GPC5: variants seen among roughly 807,000 people sequenced by gnomAD.
GPC5 encodes glypican-5.
GPC5 carries 47 observed loss-of-function variants against 53.9 expected under a neutral mutation model. That is an observed-to-expected ratio of 0.87 (90% CI 0.69 to 1.11). The LOEUF is 1.11. GPC5 is among the 50% of genes most tolerant of loss of function. The pLI is 0.00. For missense variants in GPC5, 748 were observed against 713.1 expected (o/e 1.05, Z -0.56); for synonymous variants, 286 against 263.3 (o/e 1.09, Z -0.84).
chr13:92,516,942 T>C (rs1665589137), intron 7 of GPC5, among the ~76,000 whole-genome samples: 1 of 151,658 alleles, frequency 6.6e-6, no homozygotes, highest in Admixed American at 6.6e-5. Context: ...AGGGAAGGGG[T>C]GACAAACTGC....
At chr13:92,643,819 T>G (rs1885673773) in intron 7 of GPC5, among the ~76,000 whole-genome samples, 2 of 151,108 alleles carry the variant, frequency 1.3e-5, no homozygotes, top group Admixed American at 1.3e-4. Flanking sequence ...ATGGCACATG[T>G]ATACATATGT....
In GPC5 at chr13:92,187,096, G is replaced by A. The variant is rs375946263; in HGVS notation, c.1561+42107G>A. Among the ~76,000 whole-genome samples the A allele has an allele frequency of 8.8e-3, 1,286 of 146,394 alleles. 10 individuals are homozygous for A. Among genetic ancestry groups the A allele is most frequent in the Middle Eastern group, 0.014 (4 of 292 alleles). ...CATTGCACTTCAGCCTGGGTGACAA[G>A]AGCAAAACTCCATCTCAAAAAAAAA... On this transcript the variant is annotated intron_variant, in intron 7 of 7. Coordinates refer to ENST00000377067, the MANE Select transcript of GPC5 (RefSeq NM_004466.6).
At chr13:92,368,142 G>A (rs1364372774) in intron 7 of GPC5, among the ~76,000 whole-genome samples, 1 of 151,766 alleles carries the variant, frequency 6.6e-6, no homozygotes, top group Non-Finnish European at 1.5e-5. Flanking sequence ...CCTCAGCCAC[G>A]CCTGGCTAAT....
intron 6 of GPC5, among the ~76,000 whole-genome samples, chr13:92,092,134 C>T (rs2041386103): frequency 6.6e-6 from 1 of 152,068 alleles, no homozygotes; most frequent in Non-Finnish European, 1.5e-5. Context: ...GTCAGTTGGC[C>T]AAATTTATTT....
chr13:92,762,862 T>G (rs1205124319), intron 7 of GPC5, among the ~76,000 whole-genome samples: 1 of 152,008 alleles, frequency 6.6e-6, no homozygotes, highest in African/African-American at 2.4e-5. Flanking sequence ...AAGTTAGAGA[T>G]TCTTTCTTCT....
At chr13:92,509,954 A>G (rs1286907189) in intron 7 of GPC5, 1 of 152,186 alleles carries the variant, frequency 6.6e-6, no homozygotes, top group Admixed American at 6.6e-5. Flanking sequence ...TATATGCTAT[A>G]CACATACTCT....
intron 6 of GPC5, among the ~76,000 whole-genome samples, chr13:92,052,060 A>G (rs563178044): frequency 1.3e-5 from 2 of 152,330 alleles, no homozygotes; most frequent in East Asian, 3.9e-4. Flanking sequence ...TGGGAACACT[A>G]AAACAGAATG....
intron 7 of GPC5, among the ~76,000 whole-genome samples, chr13:92,459,695 A>T (rs886655726): frequency 6.6e-6 from 1 of 152,162 alleles, no homozygotes; most frequent in Non-Finnish European, 1.5e-5. Flanking sequence ...ATAATTTTCT[A>T]CATGTATGTT....
At chr13:91,547,070 G>T (rs1594236490) in intron 2 of GPC5, among the ~76,000 whole-genome samples, 2 of 152,036 alleles carry the variant, frequency 1.3e-5, no homozygotes, top group Non-Finnish European at 2.9e-5. Context: ...TTGAGCAACT[G>T]GGTGAACACT....
chr13:92,339,777 G>A (rs1293508586), intron 7 of GPC5: 1 of 151,970 alleles, frequency 6.6e-6, no homozygotes, highest in Non-Finnish European at 1.5e-5. Flanking sequence ...AGGCATTAAA[G>A]GGCAGGTAAA....
chr13:91,889,888 A>T (rs1362055051), intron 5 of GPC5, among the ~76,000 whole-genome samples: 1 of 152,218 alleles, frequency 6.6e-6, no homozygotes, highest in Non-Finnish European at 1.5e-5. Context: ...TGCATCCTGG[A>T]AAATAAAATG....
chr13:91,972,709 T>A (rs1856978956), intron 6 of GPC5, among the ~76,000 whole-genome samples: 4 of 152,168 alleles, frequency 2.6e-5, no homozygotes, highest in Non-Finnish European at 5.9e-5. Flanking sequence ...AGTATTTTAT[T>A]TCTCCTTCAC....
At chr13:92,519,621 T>A (rs1274566805) in intron 7 of GPC5, among the ~76,000 whole-genome samples, 1 of 152,174 alleles carries the variant, frequency 6.6e-6, no homozygotes, top group African/African-American at 2.4e-5. Flanking sequence ...TGGGGCACAT[T>A]CAAAGCAGTG....
rs1013610315 is a variant in GPC5 at position 92,803,179 on chromosome 13, T to C, written c.1562-63103T>C. Reference sequence around the variant, plus strand: ...ATTTTTTAAGCAAATACAAATGATATGCTTTTAGAGCCAACCCAAAAGTAG... The same window carrying C: ...ATTTTTTAAGCAAATACAAATGATACGCTTTTAGAGCCAACCCAAAAGTAG... On this transcript the variant is annotated intron_variant, in intron 7 of 7. Coordinates refer to ENST00000377067, the MANE Select transcript of GPC5 (RefSeq NM_004466.6). Among the ~76,000 whole-genome samples the C allele has an allele frequency of 3.3e-5, 5 of 152,112 alleles. No homozygotes were observed. In the East Asian group the frequency reaches 9.7e-4, roughly 30 times the overall value.
intron 5 of GPC5, among the ~76,000 whole-genome samples, chr13:91,859,270 T>C (rs887793529): frequency 6.6e-6 from 1 of 151,970 alleles, no homozygotes; most frequent in Non-Finnish European, 1.5e-5. Context: ...ACTTCTTTGA[T>C]CTTGGAAATT....
chr13:92,314,562 C>T (rs370689398), intron 7 of GPC5, among the ~76,000 whole-genome samples: 3 of 152,120 alleles, frequency 2.0e-5, no homozygotes, highest in South Asian at 2.1e-4. Context: ...TGTGTAGCAT[C>T]GCTGGGGCAG....
intron 7 of GPC5, among the ~76,000 whole-genome samples, chr13:92,437,960 G>A (rs1877383852): frequency 6.6e-6 from 1 of 152,054 alleles, no homozygotes; most frequent in South Asian, 2.1e-4. Context: ...TCTCCCTTTT[G>A]ATTAACATGA....
chr13:92,249,697 T>C (rs2042678615), intron 7 of GPC5, among the ~76,000 whole-genome samples: 1 of 151,996 alleles, frequency 6.6e-6, no homozygotes. Flanking sequence ...TGGCAGAATG[T>C]AGACATGAGG....
intron 5 of GPC5, among the ~76,000 whole-genome samples, chr13:91,815,733 A>G (rs1210501621): frequency 2.0e-5 from 3 of 152,196 alleles, no homozygotes; most frequent in African/African-American, 7.2e-5. Context: ...GCTTCTGTCT[A>G]GATCTGTGTT....
Sources: gnomAD v4.1 joint callset for allele counts (sites outside exome capture counted in the v4.1 genomes callset) on GRCh38, gnomAD v4.1.1 for gene constraint, MANE v1.5 for transcripts, NCBI Gene and HGNC (gene_info 2026-07-23, HGNC 2026-07-21) for gene names.